The following RALYL variants were observed in gnomAD, a reference collection of about 807,000 sequenced individuals.
RALYL encodes RNA-binding Raly-like protein.
A neutral mutation model predicts 35.1 loss-of-function variants in RALYL; 29 were observed. The observed-to-expected ratio is 0.83, with a 90% CI of 0.61 to 1.13. The LOEUF (loss-of-function observed/expected upper bound fraction) is 1.13. Ranked by LOEUF, RALYL falls within the 50% of genes most tolerant of loss-of-function variation. RALYL has a pLI of 0.00. For synonymous variants in RALYL, 120 were observed against 127.6 expected, an observed-to-expected ratio of 0.94 and a Z score of 0.40; for missense variants, 359 against 360.4, an observed-to-expected ratio of 1.00 and a Z score of 0.03.
intron 1 of RALYL, among the ~76,000 whole-genome samples, chr8:84,419,799 T>A (rs2045264104): frequency 1.3e-5 from 2 of 149,360 alleles, no homozygotes. Context: ...ATGCGGTATT[T>A]GTTTTTTGTT....
At chr8:84,213,156 C>G (rs1032447982) in intron 1 of RALYL, among the ~76,000 whole-genome samples, 1 of 151,918 alleles carries the variant, frequency 6.6e-6, no homozygotes, top group Non-Finnish European at 1.5e-5. Context: ...TTTGGGAGGC[C>G]GAGGCGGGCG....
intron 1 of RALYL, among the ~76,000 whole-genome samples, chr8:84,241,074 C>A (rs537081239): frequency 6.6e-6 from 1 of 151,846 alleles, no homozygotes; most frequent in Non-Finnish European, 1.5e-5. Context: ...TGGACATGAT[C>A]TGTTGATTTT....
chr8:84,730,145 G>A (rs1433793337), intron 2 of RALYL, among the ~76,000 whole-genome samples: 1 of 151,978 alleles, frequency 6.6e-6, no homozygotes, highest in South Asian at 2.1e-4. Context: ...ATAAAATACT[G>A]GCAAACCAAA....
intron 2 of RALYL, among the ~76,000 whole-genome samples, chr8:84,546,398 G>A (rs1261163530): frequency 6.6e-6 from 1 of 152,154 alleles, no homozygotes; most frequent in African/African-American, 2.4e-5. Flanking sequence ...TGGAATTACA[G>A]GTGTGAGCCA....
At chr8:84,218,718 C>T (rs1369238736) in intron 1 of RALYL, among the ~76,000 whole-genome samples, 2 of 152,060 alleles carry the variant, frequency 1.3e-5, no homozygotes. Context: ...TCCACTGAAG[C>T]TTACCTCAAC....
Position 84,593,466 on chromosome 8 carries a change from C to T in RALYL, c.256+63889C>T, listed in dbSNP as rs566920716. 3.9e-5 allele frequency among the ~76,000 whole-genome samples: 6 copies of T among 152,166 alleles called. No homozygotes were observed. In the East Asian group the frequency reaches 1.2e-3, roughly 29 times the overall value. On this transcript the variant is annotated intron_variant, in intron 2 of 8. Transcript: ENST00000521268. ...GAATTTTCAAAAAGATCTCTAGTGG[C>T]TTATCAATTGGCTTTTGTCCAGTAG...
chr8:84,721,710 C>G (rs1333323673), intron 2 of RALYL, among the ~76,000 whole-genome samples: 1 of 151,962 alleles, frequency 6.6e-6, no homozygotes, highest in African/African-American at 2.4e-5. Flanking sequence ...AATACATGGA[C>G]AGAAGGGAAT....
intron 7 of RALYL, among the ~76,000 whole-genome samples, chr8:84,878,217 T>C (rs1703653638): frequency 6.6e-6 from 1 of 152,136 alleles, no homozygotes; most frequent in African/African-American, 2.4e-5. Flanking sequence ...GTCTCAGGGC[T>C]GGTAGACAAT....
Position 84,184,332 on chromosome 8 carries a change from G to C in RALYL, c.-116G>C, listed in dbSNP as rs1322475827. 1.0e-5 allele frequency: 1 copy of C among 95,410 alleles called. No homozygotes were observed. Among genetic ancestry groups the C allele is most frequent in the Non-Finnish European group, 2.1e-5 (1 of 48,710 alleles). 5.9% of individuals were successfully genotyped at this position (95,410 alleles called of 1,614,324 possible). A position where few individuals can be genotyped will look rare whatever the true frequency, so the allele number is the denominator to read the frequency against. ...AATCAATTTTCAAATGATGGCAGTG[G>C]AAGGTTTTTCTGGAAAAAAAAAAAT... is the stretch of plus-strand genomic sequence containing the variant. On this transcript the variant is annotated 5_prime_UTR_variant, in exon 1 of 9. Transcript: ENST00000521268.
intron 1 of RALYL, among the ~76,000 whole-genome samples, chr8:84,242,597 G>A (rs1563595767): frequency 6.6e-6 from 1 of 152,110 alleles, no homozygotes; most frequent in South Asian, 2.1e-4. Context: ...TGATGTTGAG[G>A]TTTTTTTATA....
At chr8:84,483,357 G>C (rs190085322) in intron 1 of RALYL, among the ~76,000 whole-genome samples, 33 of 152,148 alleles carry the variant, frequency 2.2e-4, no homozygotes, top group African/African-American at 7.9e-4. Flanking sequence ...ATCTTCTTCT[G>C]GAGGTGTAGG....
intron 2 of RALYL, among the ~76,000 whole-genome samples, chr8:84,729,248 A>C (rs1479205680): frequency 6.6e-6 from 1 of 151,912 alleles, no homozygotes; most frequent in Non-Finnish European, 1.5e-5. Context: ...TGTGAATGGG[A>C]GTTCACTCAT....
chr8:84,813,654 A>G (rs1826428267), intron 4 of RALYL, among the ~76,000 whole-genome samples: 1 of 152,200 alleles, frequency 6.6e-6, no homozygotes, highest in South Asian at 2.1e-4. Context: ...ACTTCAGTCC[A>G]CTGCCTGTCA....
chr8:84,621,940 C>A (rs1344505651), intron 2 of RALYL, among the ~76,000 whole-genome samples: 1 of 152,124 alleles, frequency 6.6e-6, no homozygotes. Context: ...TTTGGTAAGG[C>A]TTTTATAACA....
intron 3 of RALYL, among the ~76,000 whole-genome samples, chr8:84,776,909 T>C (rs1257069255): frequency 6.6e-6 from 1 of 152,224 alleles, no homozygotes; most frequent in African/African-American, 2.4e-5. Flanking sequence ...ATCCTCCTTT[T>C]ATCTGTTTAC....
At chr8:84,896,669 C>CAAG (rs1844796982) in intron 8 of RALYL, among the ~76,000 whole-genome samples, 1 of 152,126 alleles carries the variant, frequency 6.6e-6, no homozygotes, top group African/African-American at 2.4e-5. Flanking sequence ...GTTTCAAGGC[C>CAAG]TTGGCATTTG....
At chr8:84,287,513 G>T (rs181266747) in intron 1 of RALYL, among the ~76,000 whole-genome samples, 245 of 152,212 alleles carry the variant, frequency 1.6e-3, no homozygotes, top group African/African-American at 5.6e-3. Context: ...ATGAAGAAGG[G>T]TCATGGGTGG....
intron 2 of RALYL, among the ~76,000 whole-genome samples, chr8:84,592,863 G>T (rs2130573345): frequency 6.6e-6 from 1 of 152,118 alleles, no homozygotes; most frequent in South Asian, 2.1e-4. Context: ...TGCACACAAG[G>T]ATAAGGATAT....
chr8:84,468,550 G>A (rs376347898), intron 1 of RALYL, among the ~76,000 whole-genome samples: 4 of 148,838 alleles, frequency 2.7e-5, no homozygotes, highest in African/African-American at 7.3e-5. Flanking sequence ...AGGGTAACCC[G>A]ACCTTTCTCT....
Sources: allele counts gnomAD v4.1 joint callset (sites outside exome capture counted in the v4.1 genomes callset), GRCh38; gene constraint gnomAD v4.1.1; transcripts MANE v1.5; gene names NCBI Gene and HGNC (gene_info 2026-07-23, HGNC 2026-07-21).